OXSR1: variants seen among roughly 807,000 people sequenced by gnomAD.
The protein encoded by OXSR1 is oxidative stress responsive kinase 1.
OXSR1 carries 24 observed loss-of-function variants against 79.8 expected under a neutral mutation model. That is an observed-to-expected ratio of 0.30 (90% CI 0.22 to 0.42). The LOEUF (loss-of-function observed/expected upper bound fraction) is 0.42. Among genes scored for constraint, OXSR1 ranks in the 10% least tolerant of loss-of-function variants. The pLI is 1.00. For synonymous variants in OXSR1, 226 were observed against 209.2 expected, an observed-to-expected ratio of 1.08 and a Z score of -0.69; for missense variants, 430 against 618.4, an observed-to-expected ratio of 0.70 and a Z score of 3.23.
chr3:38,218,580 C>T (rs1186103835), intron 5 of OXSR1, among the ~76,000 whole-genome samples: 1 of 151,470 alleles, frequency 6.6e-6, no homozygotes, highest in African/African-American at 2.4e-5. Flanking sequence ...ATGCCAATCC[C>T]TTATCAGATG....
chr3:38,199,144 AT>A (rs1268261261), intron 4 of OXSR1, among the ~76,000 whole-genome samples: 1 of 152,236 alleles, frequency 6.6e-6, no homozygotes, highest in Non-Finnish European at 1.5e-5. Flanking sequence ...TGGTTAAAAA[AT>A]ATCTAAAACA....
chr3:38,213,379 A>G (rs1014899981), intron 4 of OXSR1, among the ~76,000 whole-genome samples: 2 of 152,144 alleles, frequency 1.3e-5, no homozygotes, highest in South Asian at 2.1e-4. Flanking sequence ...ATGCTTGACC[A>G]TTACTCCTCA....
At chr3:38,249,633 C>A (rs1703214757) in intron 14 of OXSR1, among the ~76,000 whole-genome samples, 1 of 152,048 alleles carries the variant, frequency 6.6e-6, no homozygotes, top group Admixed American at 6.6e-5. Context: ...TTTAATCACA[C>A]CTCCCTGTGC....
chr3:38,193,373 T>C (rs1264308634), intron 3 of OXSR1: 1 of 1,288,802 alleles, frequency 7.8e-7, no homozygotes, highest in Non-Finnish European at 1.0e-6. Context: ...TTCAAGATGG[T>C]GGTCAAGCAT....
At chr3:38,205,900 T>G (rs1702256086) in intron 4 of OXSR1, among the ~76,000 whole-genome samples, 1 of 152,206 alleles carries the variant, frequency 6.6e-6, no homozygotes, top group African/African-American at 2.4e-5. Context: ...ATGGTTGTTT[T>G]GTCATATTTG....
rs961645637 is a variant in OXSR1, at chr3:38,254,766, G to A, written c.*1875G>A. 1 of 151,548 alleles carries A rather than the reference G, an allele frequency of 6.6e-6. No homozygotes were observed. Among genetic ancestry groups the A allele is most frequent in the Admixed American group, 6.6e-5 (1 of 15,174 alleles). The allele number at this position is 151,548 out of a possible 1,614,324, so 9.4% of individuals were successfully genotyped here. A position where few individuals can be genotyped will look rare whatever the true frequency, so the allele number is the denominator to read the frequency against. On this transcript the variant is annotated 3_prime_UTR_variant, in exon 18 of 18. Coordinates refer to ENST00000311806, the MANE Select transcript of OXSR1 (RefSeq NM_005109.3). ...AAAATCTACTTATTTATGAATCCAA[G>A]GGGTGGCAGCATCACTCTGTTCTAG...
At chr3:38,164,248 T>C (rs1215513170), upstream of OXSR1, among the ~76,000 whole-genome samples, 1 of 152,124 alleles carries the variant, frequency 6.6e-6, no homozygotes, top group African/African-American at 2.4e-5. Flanking sequence ...CACTGCAACC[T>C]TCGCCTCCTG....
At chr3:38,242,004 G>GT (rs908911243) in intron 11 of OXSR1, among the ~76,000 whole-genome samples, 1 of 151,612 alleles carries the variant, frequency 6.6e-6, no homozygotes, top group African/African-American at 2.4e-5. Flanking sequence ...TTAGAGGTAA[G>GT]TTTTTTGGTA....
chr3:38,214,904 C>T (rs529863279), intron 4 of OXSR1, among the ~76,000 whole-genome samples: 16 of 152,302 alleles, frequency 1.1e-4, no homozygotes, highest in Admixed American at 1.3e-4. Context: ...TGAAGTGCTG[C>T]GCTTTTCACT....
intron 3 of OXSR1, among the ~76,000 whole-genome samples, chr3:38,192,634 TA>T (rs1462077800): frequency 6.6e-5 from 10 of 152,380 alleles, no homozygotes; most frequent in Admixed American, 5.2e-4. Context: ...ATTTCTACTT[TA>T]TTCTTAGAAT....
chr3:38,227,839 T>C (rs1702723644), intron 8 of OXSR1, among the ~76,000 whole-genome samples: 1 of 152,132 alleles, frequency 6.6e-6, no homozygotes, highest in Admixed American at 6.5e-5. Flanking sequence ...GATTACCTAC[T>C]GAGGATTAGC....
chr3:38,247,798 C>T, intron 14 of OXSR1, 66 bp downstream of exon 14: 3 of 1,020,130 alleles, frequency 2.9e-6, no homozygotes, highest in South Asian at 2.7e-5. Flanking sequence ...CTGTAATAGT[C>T]TGTGCCTGAG....
intron 8 of OXSR1, among the ~76,000 whole-genome samples, chr3:38,227,381 G>A (rs1363534469): frequency 6.6e-6 from 1 of 152,050 alleles, no homozygotes; most frequent in African/African-American, 2.4e-5. Flanking sequence ...TCAGAATTCT[G>A]ACCCATGCAA....
At chr3:38,226,843 G>T (rs1702699402) in intron 8 of OXSR1, among the ~76,000 whole-genome samples, 1 of 151,562 alleles carries the variant, frequency 6.6e-6, no homozygotes, top group African/African-American at 2.4e-5. Flanking sequence ...TAGATCCTGG[G>T]ACAGAAAAAG....
chr3:38,231,493 C>T (rs950874875), intron 10 of OXSR1, among the ~76,000 whole-genome samples: 1 of 152,112 alleles, frequency 6.6e-6, no homozygotes, highest in Non-Finnish European at 1.5e-5. Context: ...ACTCAATTGG[C>T]CTTTCCTCAG....
chr3:38,185,141 G>A (rs916902474), intron 2 of OXSR1, among the ~76,000 whole-genome samples: 2 of 150,776 alleles, frequency 1.3e-5, no homozygotes, highest in African/African-American at 2.4e-5. Context: ...AATTGAATAC[G>A]ACTTACACAT....
chr3:38,212,618 T>C (rs754888157), intron 4 of OXSR1, among the ~76,000 whole-genome samples: 2 of 152,232 alleles, frequency 1.3e-5, no homozygotes, highest in African/African-American at 2.4e-5. Context: ...AAAAATGTTA[T>C]GGGCAGAAAC....
At chr3:38,239,707 C>T (rs1361296867) in intron 11 of OXSR1, among the ~76,000 whole-genome samples, 1 of 152,154 alleles carries the variant, frequency 6.6e-6, no homozygotes, top group Non-Finnish European at 1.5e-5. Context: ...CAAAAGTGAC[C>T]GTCTGCAGCT....
intron 4 of OXSR1, among the ~76,000 whole-genome samples, chr3:38,215,309 C>T (rs1308225544): frequency 6.6e-6 from 1 of 152,034 alleles, no homozygotes; most frequent in Non-Finnish European, 1.5e-5. Context: ...TTTTTTATTA[C>T]AAACAATGCT....
Sources: allele counts gnomAD v4.1 joint callset (sites outside exome capture counted in the v4.1 genomes callset), GRCh38; gene constraint gnomAD v4.1.1; transcripts MANE v1.5; gene names NCBI Gene and HGNC (gene_info 2026-07-23, HGNC 2026-07-21).